Variants in DMBT1 observed in about 807,000 individuals in gnomAD.
The protein encoded by DMBT1 is deleted in malignant brain tumors 1.
A neutral mutation model predicts 252.9 loss-of-function variants in DMBT1; 198 were observed. The ratio of observed to expected loss-of-function variants is 0.78; its 90% confidence interval spans 0.70 to 0.88. DMBT1 has a LOEUF of 0.88. Among genes scored for constraint, DMBT1 ranks in the 40% least tolerant of loss-of-function variants. The probability of loss-of-function intolerance (pLI) is 0.00; values close to 1 mark genes in which losing one functional copy is unlikely to be tolerated. For synonymous variants in DMBT1, 990 were observed against 942.7 expected, an observed-to-expected ratio of 1.05 and a Z score of -0.92; for missense variants, 2,432 against 2,404.7, an observed-to-expected ratio of 1.01 and a Z score of -0.24.
At chr10:122,591,677 G>A (rs1252042530) in intron 19 of DMBT1, among the ~76,000 whole-genome samples, 160 bp downstream of exon 19, 1 of 148,436 alleles carries the variant, frequency 6.7e-6, no homozygotes, top group Non-Finnish European at 1.5e-5. Context: ...CCAGTCCCGG[G>A]TCGGGTGTTA....
chr10:122,632,818 G>A (rs748386979), intron 50 of DMBT1, 43 bp from the exon 51 acceptor site: 1 of 1,608,824 alleles, frequency 6.2e-7, no homozygotes, highest in South Asian at 1.1e-5. Context: ...GCTGTGTCAG[G>A]GATGCCAGAA....
rs776648029 is a variant in DMBT1, at chr10:122,618,165, C to T, written c.5040C>T (p.Gly1680=). 77 of 1,613,840 alleles carry T rather than the reference C, an allele frequency of 4.8e-5. 1 individual carries two copies. In the Middle Eastern group the frequency reaches 8.2e-4, roughly 17 times the overall value. Residue 1680 remains glycine (G), a synonymous_variant, in exon 41 of 56, where the codon GGC becomes GGT. Coordinates refer to ENST00000338354, the MANE Select transcript of DMBT1 (RefSeq NM_001377530.1). ...NDANVVCRQL[G]CGWAMSAPGN... Reference sequence around the variant, plus strand: ...CCAACGTGGTCTGCAGGCAGCTGGGCTGTGGCTGGGCCATGTCAGCCCCAG... The same window carrying T: ...CCAACGTGGTCTGCAGGCAGCTGGGTTGTGGCTGGGCCATGTCAGCCCCAG...
chr10:122,631,868 G>C lies in DMBT1; in HGVS notation c.6360G>C (p.Ser2120=). Residue 2120 remains serine (S), a synonymous_variant, in exon 50 of 56, where the codon TCG becomes TCC. Coordinates refer to ENST00000338354, the MANE Select transcript of DMBT1 (RefSeq NM_001377530.1). ...AGVICSGNHL[S]TPAPFLNITR... is the part of the protein sequence containing the mutation. ...TTCCTTTTTCAGGAAACCATCTATC[G>C]ACACCTGGTAAGTCCCTCCGATTTC... 6.2e-7 allele frequency: 1 copy of C among 1,613,592 alleles called. No homozygotes were observed. The highest frequency in any genetic ancestry group is 8.5e-7 in the Non-Finnish European group (1 of 1,179,788).
chr10:122,627,040 G>A (rs1266452572), intron 46 of DMBT1, among the ~76,000 whole-genome samples: 2 of 152,148 alleles, frequency 1.3e-5, no homozygotes, highest in East Asian at 3.9e-4. Context: ...GGCCTTGTGG[G>A]TGGGTTAAGA....
intron 44 of DMBT1, among the ~76,000 whole-genome samples, chr10:122,624,103 A>G (rs1278300889): frequency 2.6e-5 from 4 of 151,650 alleles, no homozygotes; most frequent in East Asian, 1.9e-4. Context: ...GGAGAGGTGG[A>G]CTCTCCCAAG....
intron 9 of DMBT1, 144 bp from the exon 10 acceptor site, chr10:122,579,434 T>G: frequency 6.6e-7 from 1 of 1,520,714 alleles, no homozygotes; most frequent in South Asian, 1.3e-5. Context: ...TTCACGGTGA[T>G]GAAGCCTAGT....
At chr10:122,627,615 A>G (rs1453291886) in intron 46 of DMBT1, among the ~76,000 whole-genome samples, 1 of 152,238 alleles carries the variant, frequency 6.6e-6, no homozygotes, top group Non-Finnish European at 1.5e-5. Flanking sequence ...ACTATATACA[A>G]TAGCATATTT....
At chr10:122,634,433 TCTC>T (rs2098203112) in intron 52 of DMBT1, among the ~76,000 whole-genome samples, 5 of 30,826 alleles carry the variant, frequency 1.6e-4, no homozygotes, top group Non-Finnish European at 4.2e-4. Context: ...CTCTCTCTTC[TCTC>T]TCTCTCTCTC....
intron 9 of DMBT1, 139 bp from the exon 10 acceptor site, chr10:122,579,439 C>A (rs2097745380): frequency 6.5e-7 from 1 of 1,533,576 alleles, no homozygotes; most frequent in South Asian, 1.3e-5. Flanking sequence ...GGTGATGAAG[C>A]CTAGTCTGTG....
rs768392729 is a variant in DMBT1, at chr10:122,599,071, G to T, written c.3254G>T (p.Ser1085Ile). The T allele has an allele frequency of 3.2e-5, 51 of 1,613,750 alleles. No individual in the cohort carries two copies. Among genetic ancestry groups the T allele is most frequent in the Non-Finnish European group, 3.9e-5 (46 of 1,179,768 alleles). The change falls in exon 26 of 56, where the codon AGT (serine) becomes ATT (isoleucine). Residue 1085 changes from serine to isoleucine, a missense_variant. By Grantham distance (142) the Ser-to-Ile change is moderately radical. This residue lies in a region of DMBT1 where 1,264 missense variants were observed against 1,082.2 expected (regional missense o/e 1.17). Transcript: ENST00000338354. ...NGWLSHNCGH[S>I]EDAGVICSAS... ...TGGCTCTCCCACAACTGTGGCCATAGTGAAGACGCTGGTGTCATCTGCTCA... is the reference window on the plus strand; with the variant it reads ...TGGCTCTCCCACAACTGTGGCCATATTGAAGACGCTGGTGTCATCTGCTCA...
At position 122,588,561 on chromosome 10, in the gene DMBT1, C is replaced by G. The variant is rs1419461647; in HGVS notation, c.1784-383C>G. On this transcript the variant is annotated intron_variant, in intron 16 of 55. Transcript: ENST00000338354. ...AGCTGTCTGGCCAAAGCCTTGCCATCCTTGGCAATTTGCCAGAAGCCAGGG... is the reference window on the plus strand; with the variant it reads ...AGCTGTCTGGCCAAAGCCTTGCCATGCTTGGCAATTTGCCAGAAGCCAGGG... 1.3e-5 allele frequency among the ~76,000 whole-genome samples: 2 copies of G among 149,026 alleles called. 1 individual carries two copies. Among genetic ancestry groups the G allele is most frequent in the Non-Finnish European group, 3.0e-5 (2 of 66,836 alleles).
At position 122,586,266 on chromosome 10, in the gene DMBT1, A is replaced by G. The variant is rs750097305; in HGVS notation, c.1666A>G (p.Ile556Val). 7 of 1,588,662 alleles carry G rather than the reference A, an allele frequency of 4.4e-6. 2 individuals are homozygous for G. Among genetic ancestry groups the G allele is most frequent in the Non-Finnish European group, 6.0e-6 (7 of 1,165,850 alleles). Residue 556 changes from isoleucine to valine, a missense_variant, in exon 16 of 56, where the codon ATT becomes GTT. Around this residue, in one of 3 missense-constraint regions of DMBT1, gnomAD observed 1,264 missense variants for 1,082.2 expected, o/e 1.17. Coordinates refer to ENST00000338354, the MANE Select transcript of DMBT1 (RefSeq NM_001377530.1). ...NARFGQGSGPIVLDDVRCSGN... is the reference protein window; with the variant it reads ...NARFGQGSGPVVLDDVRCSGN... Reference sequence around the variant, plus strand: ...CCGGTTTGGTCAGGGCTCAGGACCCATTGTCCTGGATGACGTGCGCTGCTC... The same window carrying G: ...CCGGTTTGGTCAGGGCTCAGGACCCGTTGTCCTGGATGACGTGCGCTGCTC...
intron 44 of DMBT1, among the ~76,000 whole-genome samples, chr10:122,622,834 A>C (rs934547251): frequency 6.6e-6 from 1 of 152,218 alleles, no homozygotes; most frequent in Admixed American, 6.5e-5. Context: ...TATTAGAATA[A>C]AAAACAGGCA....
In DMBT1 at chr10:122,579,460, A is replaced by G. The variant is rs542049939; in HGVS notation, c.680-118A>G. ...GAAGCCTAGTCTGTGGTCATATGCAAAGGTGACTGCCTGCCTAGGTGACTT... is the reference window on the plus strand; with the variant it reads ...GAAGCCTAGTCTGTGGTCATATGCAGAGGTGACTGCCTGCCTAGGTGACTT... On this transcript the variant is annotated intron_variant, in intron 9 of 55. Coordinates refer to ENST00000338354, the MANE Select transcript of DMBT1 (RefSeq NM_001377530.1). 3,303 of 1,570,616 alleles carry G rather than the reference A, an allele frequency of 2.1e-3. 10 individuals are homozygous for G. The highest frequency in any genetic ancestry group is 2.6e-3 in the Non-Finnish European group (3,029 of 1,157,216).
chr10:122,572,383 C>G lies in DMBT1; in HGVS notation c.235+22C>G, dbSNP rs201057434. On this transcript the variant is annotated intron_variant, in intron 5 of 55. Transcript: ENST00000338354. ...GAAGGTAACGTCTACTATGGGGGAG[C>G]TCTATGGGCTCATTACCCCTCTGTA... 6.5e-5 allele frequency: 105 copies of G among 1,611,372 alleles called. No homozygotes were observed. The African/African-American group carries it at 1.1e-3, about 16-fold the overall frequency.
At chr10:122,617,872 C>G in intron 40 of DMBT1, 145 bp from the exon 41 acceptor site, 1 of 1,429,472 alleles carries the variant, frequency 7.0e-7, no homozygotes, top group South Asian at 1.3e-5. Context: ...TATGATAAAG[C>G]TGAACCTCCG....
Position 122,586,384 on chromosome 10 carries a change from G to T in DMBT1, c.1783+1G>T, listed in dbSNP as rs1285956206. 6.3e-7 allele frequency: 1 copy of T among 1,588,420 alleles called. No homozygotes were observed. Among genetic ancestry groups the T allele is most frequent in the South Asian group, 1.2e-5 (1 of 86,926 alleles). ...GAAGACGCTGGTGTCATCTGCTCAG[G>T]TGGGCCTCCAAGACTTTTGGTTTCC... On this transcript the variant is annotated splice_donor_variant, in intron 16 of 55. Coordinates refer to ENST00000338354, the MANE Select transcript of DMBT1 (RefSeq NM_001377530.1). LOFTEE classifies it high-confidence loss of function.
intron 18 of DMBT1, among the ~76,000 whole-genome samples, chr10:122,590,945 G>A: frequency 6.7e-6 from 1 of 148,342 alleles, no homozygotes; most frequent in East Asian, 2.1e-4. Flanking sequence ...CCTTAAACAT[G>A]CCTGTCCATG....
rs1368307408 is a variant in DMBT1 at position 122,588,816 on chromosome 10, G to A, written c.1784-128G>A. The stretch of plus-strand genomic sequence containing the variant: ...TGATGAAGCTGAACCTCTGGTTGCA[G>A]TCATCTTTAATCGTGACTGCCTGCC... On this transcript the variant is annotated intron_variant, in intron 16 of 55. Transcript: ENST00000338354. The A allele has an allele frequency of 5.4e-6, 8 of 1,482,200 alleles. No individual in the cohort carries two copies. In the African/African-American group the frequency reaches 1.1e-4, roughly 20 times the overall value. The allele number at this position is 1,482,200 out of a possible 1,614,324, so 91.8% of individuals were successfully genotyped here.
Sources: allele counts gnomAD v4.1 joint callset (sites outside exome capture counted in the v4.1 genomes callset), GRCh38; gene constraint gnomAD v4.1.1; regional missense constraint gnomAD v4.1.1; transcripts MANE v1.5; gene names NCBI Gene and HGNC (gene_info 2026-07-23, HGNC 2026-07-21).